RBM5: variants seen among roughly 807,000 people sequenced by gnomAD.
RBM5 encodes RNA-binding protein 5.
A neutral mutation model predicts 124.6 loss-of-function variants in RBM5; 15 were observed. The observed-to-expected ratio is 0.12, with a 90% CI of 0.08 to 0.19. RBM5 has a LOEUF of 0.19. Among genes scored for constraint, RBM5 ranks in the 10% least tolerant of loss-of-function variants. The pLI is 1.00. For missense variants in RBM5, 580 were observed against 1,026.5 expected, an observed-to-expected ratio of 0.57 and a Z score of 5.94; for synonymous variants, 337 against 361.2, an observed-to-expected ratio of 0.93 and a Z score of 0.76.
chr3:50,096,771 C>T (rs1032428970), intron 4 of RBM5, among the ~76,000 whole-genome samples: 1 of 150,224 alleles, frequency 6.7e-6, no homozygotes, highest in East Asian at 2.0e-4. Flanking sequence ...TTTTTTTTAT[C>T]GTTTGTTTTT....
chr3:50,107,901 G>A (rs948998505), intron 12 of RBM5, among the ~76,000 whole-genome samples, 169 bp from the exon 13 acceptor site: 2 of 151,748 alleles, frequency 1.3e-5, no homozygotes, highest in African/African-American at 4.8e-5. Context: ...GGCCAGGCTG[G>A]TCTTGAACTC....
At chr3:50,103,694 A>AT (rs1259076471) in intron 7 of RBM5, among the ~76,000 whole-genome samples, 2 of 152,156 alleles carry the variant, frequency 1.3e-5, no homozygotes, top group African/African-American at 4.8e-5. Flanking sequence ...AAGCCCAGTG[A>AT]TTAAGATTTT....
intron 2 of RBM5, among the ~76,000 whole-genome samples, chr3:50,091,100 G>A (rs1264627461): frequency 6.6e-6 from 1 of 152,190 alleles, no homozygotes; most frequent in Non-Finnish European, 1.5e-5. Context: ...TGCCTTTTTA[G>A]TATTGAGGTC....
chr3:50,099,834 C>G (rs2090902969), intron 4 of RBM5, 148 bp from the exon 5 acceptor site: 5 of 614,980 alleles, frequency 8.1e-6, no homozygotes, highest in Non-Finnish European at 1.3e-5. Context: ...TGCACTCCAG[C>G]CTGGGCAATC....
chr3:50,098,693 T>C (rs1011563824), intron 4 of RBM5, among the ~76,000 whole-genome samples: 1 of 151,790 alleles, frequency 6.6e-6, no homozygotes, highest in African/African-American at 2.4e-5. Context: ...CCACCTGCCT[T>C]GGCCCCCCAA....
chr3:50,091,163 T>C (rs889658969), intron 2 of RBM5, among the ~76,000 whole-genome samples: 1 of 152,222 alleles, frequency 6.6e-6, no homozygotes, highest in African/African-American at 2.4e-5. Context: ...GAGATGTTCA[T>C]GTCACATGGT....
intron 4 of RBM5, among the ~76,000 whole-genome samples, chr3:50,094,575 C>T (rs1166974284): frequency 6.6e-6 from 1 of 152,112 alleles, no homozygotes; most frequent in African/African-American, 2.4e-5. Context: ...CTCACTGCAG[C>T]CTCAAACTCC....
intron 24 of RBM5, 187 bp from the exon 25 acceptor site, chr3:50,118,144 T>TA: frequency 2.7e-6 from 2 of 754,334 alleles, no homozygotes; most frequent in Non-Finnish European, 4.1e-6. Flanking sequence ...CTGTGTTCCG[T>TA]AGCCCATTTT....
At chr3:50,103,030 A>G (rs932030841) in intron 6 of RBM5, 53 bp from the exon 7 acceptor site, 4 of 1,400,494 alleles carry the variant, frequency 2.9e-6, no homozygotes, top group Non-Finnish European at 4.1e-6. Flanking sequence ...GCCCTGGGAA[A>G]ATGGACACAT....
rs773254226 is a variant in RBM5, at chr3:50,108,100, T to C, written c.1072T>C (p.Tyr358His). 9 of 1,611,548 alleles carry C rather than the reference T, an allele frequency of 5.6e-6. No homozygotes were observed. The highest frequency in any genetic ancestry group is 7.6e-6 in the Non-Finnish European group (9 of 1,177,660). ...AAGTGGTGAAGGAGGCAGTGTTGAC[T>C]ACAGTTATCTGCAACCAGGTCAAGA... is the stretch of plus-strand genomic sequence containing the variant. ...SQSGEGGSVD[Y>H]SYLQPGQDGY... is the part of the protein sequence containing the mutation. The change falls in exon 13 of 25, where the codon TAC becomes CAC. Residue 358 changes from tyrosine to histidine, a missense_variant. Transcript: ENST00000347869.
intron 14 of RBM5, among the ~76,000 whole-genome samples, chr3:50,109,320 G>A (rs966715834): frequency 1.3e-5 from 2 of 152,160 alleles, no homozygotes; most frequent in South Asian, 2.1e-4. Flanking sequence ...TGATCGGCTC[G>A]CCTTTTCCTT....
At chr3:50,097,302 A>C (rs2090838614) in intron 4 of RBM5, among the ~76,000 whole-genome samples, 2 of 151,840 alleles carry the variant, frequency 1.3e-5, no homozygotes, top group African/African-American at 4.8e-5. Context: ...AGGCTGAGGC[A>C]GGAGAATGGC....
intron 20 of RBM5, 158 bp downstream of exon 20, chr3:50,114,409 G>C (rs891538125): frequency 4.5e-6 from 3 of 665,676 alleles, no homozygotes; most frequent in African/African-American, 1.9e-5. Flanking sequence ...TTCCATGTCG[G>C]GGCTTTGTTT....
In RBM5 at chr3:50,117,285, A is replaced by C; in HGVS notation, c.2228A>C (p.His743Pro). The C allele has an allele frequency of 6.2e-7, 1 of 1,614,266 alleles. No homozygotes were observed. The highest frequency in any genetic ancestry group is 8.5e-7 in the Non-Finnish European group (1 of 1,180,056). Residue 743 changes from histidine (H) to proline (P), a missense_variant, in exon 24 of 25, where the codon CAC (histidine) becomes CCC (proline). Physicochemically the swap from His to Pro is moderately conservative, Grantham distance 77. Coordinates refer to ENST00000347869, the MANE Select transcript of RBM5 (RefSeq NM_005778.4). The surrounding 1 kb of genome is among the most constrained non-coding windows in gnomAD (Gnocchi z 4.2). Reference sequence around the variant, plus strand: ...CAACCCACCAAAGATGGCATTGACCACAGTAACATTGGCAACAAGATGCTG... The same window carrying C: ...CAACCCACCAAAGATGGCATTGACCCCAGTAACATTGGCAACAAGATGCTG... ...YEQPTKDGID[H>P]SNIGNKMLQA...
At chr3:50,090,518 T>C in intron 2 of RBM5, 67 bp downstream of exon 2, 1 of 1,569,854 alleles carries the variant, frequency 6.4e-7, no homozygotes, top group Non-Finnish European at 8.7e-7. Flanking sequence ...TTGTTTAAAA[T>C]AGTTTATCAA....
chr3:50,115,386 C>G (rs199798336), intron 20 of RBM5, 42 bp from the exon 21 acceptor site: 2 of 1,596,670 alleles, frequency 1.3e-6, no homozygotes, highest in Non-Finnish European at 1.7e-6. Flanking sequence ...CGCCATCTTC[C>G]TATTGTACAT....
intron 17 of RBM5, among the ~76,000 whole-genome samples, chr3:50,111,585 G>A (rs1050181316): frequency 6.6e-6 from 1 of 152,058 alleles, no homozygotes; most frequent in East Asian, 1.9e-4. Context: ...TTGTTTGCCA[G>A]GCTGGTCTCG....
At chr3:50,118,108 A>AGG (rs2091291577) in intron 24 of RBM5, 2 of 584,660 alleles carry the variant, frequency 3.4e-6, no homozygotes, top group South Asian at 4.6e-5. Flanking sequence ...GCAGGCATTG[A>AGG]GGGGTGGGTG....
intron 4 of RBM5, among the ~76,000 whole-genome samples, chr3:50,096,612 C>T (rs932652440): frequency 6.6e-6 from 1 of 151,982 alleles, no homozygotes; most frequent in Non-Finnish European, 1.5e-5. Context: ...TTTTGTGAGA[C>T]AGGGCCTTAC....
Sources: allele counts gnomAD v4.1 joint callset (sites outside exome capture counted in the v4.1 genomes callset), GRCh38; gene constraint gnomAD v4.1.1; non-coding constraint Gnocchi (gnomAD v3.1); transcripts MANE v1.5; gene names NCBI Gene and HGNC (gene_info 2026-07-23, HGNC 2026-07-21).